TNIK: variants seen among roughly 807,000 people sequenced by gnomAD.
The protein encoded by TNIK is TRAF2 and NCK-interacting protein kinase.
TNIK carries 49 observed loss-of-function variants against 191.3 expected under a neutral mutation model. The ratio of observed to expected loss-of-function variants is 0.26; its 90% CI spans 0.20 to 0.32. The LOEUF (loss-of-function observed/expected upper bound fraction) is 0.32. Ranked by LOEUF, TNIK falls within the 10% of genes least tolerant of loss-of-function variation. TNIK has a pLI of 1.00. For missense variants in TNIK, 1,155 were observed against 1,702.3 expected (o/e 0.68, Z 5.66); for synonymous variants, 594 against 600.9 (o/e 0.99, Z 0.17).
intron 2 of TNIK, among the ~76,000 whole-genome samples, chr3:171,275,530 A>G (rs1360365685): frequency 1.3e-5 from 2 of 152,192 alleles, no homozygotes; most frequent in African/African-American, 2.4e-5. Context: ...TTTTAAAATT[A>G]AATAGAAGGA....
chr3:171,189,128 A>G (rs1185802776), intron 6 of TNIK, among the ~76,000 whole-genome samples: 2 of 152,152 alleles, frequency 1.3e-5, no homozygotes. Flanking sequence ...TTCCATCTCT[A>G]TAAATTTGAC....
chr3:171,140,361 C>CG lies in TNIK; in HGVS notation c.1332+37dup, dbSNP rs753142948. ...CAGAGAAGGCTGGTGCTGGGGTCCC[C>CG]GGGGGGCCATCAGTGGGGCTCCTGG... On this transcript the variant is annotated intron_variant, in intron 13 of 32. Coordinates refer to ENST00000436636, the MANE Select transcript of TNIK (RefSeq NM_015028.4). 6.2e-5 allele frequency: 93 copies of CG among 1,500,782 alleles called. 1 individual carries two copies. The African/African-American group carries it at 9.6e-4, about 16-fold the overall frequency. The allele number at this position is 1,500,782 out of a possible 1,614,324, so 93.0% of individuals were successfully genotyped here.
intron 1 of TNIK, 71 bp downstream of exon 1, chr3:171,459,936 C>CCCCCCCCGA: frequency 6.7e-7 from 1 of 1,492,918 alleles, no homozygotes; most frequent in Non-Finnish European, 9.1e-7. Context: ...GCCCCAGCCC[C>CCCCCCCCGA]CAGTCCACGC....
chr3:171,171,141 C>T (rs1735230988), intron 9 of TNIK, among the ~76,000 whole-genome samples: 1 of 152,130 alleles, frequency 6.6e-6, no homozygotes, highest in Admixed American at 6.5e-5. Flanking sequence ...AATAGCTTAG[C>T]AGGAGGAGTC....
At chr3:171,363,764 C>T (rs1258718181) in intron 2 of TNIK, among the ~76,000 whole-genome samples, 1 of 152,194 alleles carries the variant, frequency 6.6e-6, no homozygotes, top group Non-Finnish European at 1.5e-5. Context: ...CTCCACCCAA[C>T]AGGCCAAGAT....
intron 21 of TNIK, among the ~76,000 whole-genome samples, chr3:171,102,921 A>G (rs1254795196): frequency 6.6e-6 from 1 of 152,216 alleles, no homozygotes; most frequent in Non-Finnish European, 1.5e-5. Flanking sequence ...TTGTTTCTCT[A>G]CTGCCACCTG....
intron 18 of TNIK, among the ~76,000 whole-genome samples, chr3:171,122,408 GCTTAGCTGCT>G (rs1182575732): frequency 6.6e-6 from 1 of 152,158 alleles, no homozygotes; most frequent in Non-Finnish European, 1.5e-5. Context: ...CCTCAGTGCT[GCTTAGCTGCT>G]TAGCAATACC....
At chr3:171,174,258 G>A (rs1735701440) in intron 9 of TNIK, among the ~76,000 whole-genome samples, 1 of 152,154 alleles carries the variant, frequency 6.6e-6, no homozygotes, top group Non-Finnish European at 1.5e-5. Context: ...CTGTGTGTGG[G>A]TGGGTGGGAA....
chr3:171,221,104 A>G (rs1336244523), intron 3 of TNIK, among the ~76,000 whole-genome samples: 2 of 152,228 alleles, frequency 1.3e-5, no homozygotes, highest in African/African-American at 4.8e-5. Flanking sequence ...CATGCTGTAT[A>G]GCATACAGAA....
intron 1 of TNIK, among the ~76,000 whole-genome samples, chr3:171,376,746 TGATAGATAGATAGATAGATAGATA>T (rs3084308): frequency 6.7e-6 from 1 of 148,672 alleles, no homozygotes; most frequent in East Asian, 2.0e-4. Context: ...GATAGATAGA[TGATAGATAGATAGATAGATAGATA>T]GATAGATAGA....
intron 2 of TNIK, among the ~76,000 whole-genome samples, chr3:171,298,471 T>A (rs776009219): frequency 1.3e-5 from 2 of 152,228 alleles, no homozygotes; most frequent in Non-Finnish European, 2.9e-5. Flanking sequence ...CCCTTGCAGT[T>A]ATGTCAGATC....
intron 4 of TNIK, among the ~76,000 whole-genome samples, chr3:171,210,177 C>T (rs185968232): frequency 2.6e-4 from 39 of 151,920 alleles, no homozygotes; most frequent in Middle Eastern, 3.4e-3. Flanking sequence ...GAAGGAGGGA[C>T]GGAAGGACAG....
Position 171,224,626 on chromosome 3 carries a change from G to T in TNIK, c.180+3539C>A, listed in dbSNP as rs563071561. On this transcript the variant is annotated intron_variant, in intron 3 of 32. Coordinates refer to ENST00000436636, the MANE Select transcript of TNIK (RefSeq NM_015028.4). ...ATTTTGAGGCTACCCCAGAAATCCT[G>T]CAGCAGGCCCAGGAATTTGCATTTC... Among the ~76,000 whole-genome samples the T allele has an allele frequency of 4.6e-5, 7 of 152,272 alleles. No homozygotes were observed. The South Asian group carries it at 1.2e-3, about 27-fold the overall frequency.
At chr3:171,099,630 A>G (rs545609076) in intron 22 of TNIK, among the ~76,000 whole-genome samples, 44 of 152,154 alleles carry the variant, frequency 2.9e-4, no homozygotes, top group Admixed American at 5.9e-4. Context: ...AAGGCACTAC[A>G]TGAAGATGCA....
At chr3:171,253,445 A>G (rs975004508) in intron 2 of TNIK, among the ~76,000 whole-genome samples, 1 of 152,036 alleles carries the variant, frequency 6.6e-6, no homozygotes, top group African/African-American at 2.4e-5. Flanking sequence ...TGATAAATCC[A>G]GCTAAAAGCA....
intron 21 of TNIK, among the ~76,000 whole-genome samples, chr3:171,102,909 CATT>C (rs1723835686): frequency 6.6e-6 from 1 of 152,142 alleles, no homozygotes; most frequent in African/African-American, 2.4e-5. Context: ...TACAACAAAA[CATT>C]GTTTCTCTAC....
At chr3:171,305,070 T>C (rs34767034) in intron 2 of TNIK, among the ~76,000 whole-genome samples, 2 of 114,124 alleles carry the variant, frequency 1.8e-5, no homozygotes, top group African/African-American at 6.6e-5. Context: ...AAGGAAAAAG[T>C]AAAGAAAATG....
In TNIK at chr3:171,369,679, C is replaced by T. The variant is rs1047874623; in HGVS notation, c.64G>A (p.Ala22Thr). Residue 22 changes from alanine (A) to threonine (T), a missense_variant, in exon 2 of 33, where the codon GCA becomes ACA. Transcript: ENST00000436636. ...EIDLSALRDP[A>T]GIFELVELVG... is the part of the protein sequence containing the mutation. ...AGTTCCACCAATTCAAAGATCCCTGCGGGGTCCTGAAAGAAAATAAACAAA... is the reference window on the plus strand; with the variant it reads ...AGTTCCACCAATTCAAAGATCCCTGTGGGGTCCTGAAAGAAAATAAACAAA... The T allele has an allele frequency of 6.4e-7, 1 of 1,567,756 alleles. No individual in the cohort carries two copies. Among genetic ancestry groups the T allele is most frequent in the Non-Finnish European group, 8.7e-7 (1 of 1,155,232 alleles).
intron 2 of TNIK, among the ~76,000 whole-genome samples, chr3:171,285,809 G>A (rs998765056): frequency 5.9e-5 from 9 of 152,036 alleles, no homozygotes; most frequent in Non-Finnish European, 1.5e-5. Flanking sequence ...CTGCCATCTC[G>A]CCACAGAACA....
Sources: gnomAD v4.1 joint callset for allele counts (sites outside exome capture counted in the v4.1 genomes callset) on GRCh38, gnomAD v4.1.1 for gene constraint, MANE v1.5 for transcripts, NCBI Gene and HGNC (gene_info 2026-07-23, HGNC 2026-07-21) for gene names.